Variants in TTBK2 observed in about 807,000 individuals in gnomAD.
TTBK2 encodes tau-tubulin kinase 2.
In TTBK2, 28 loss-of-function variants were observed where a neutral mutation model predicts 110.8. The ratio of observed to expected loss-of-function variants is 0.25; its 90% CI spans 0.19 to 0.35. The LOEUF (loss-of-function observed/expected upper bound fraction) is 0.35, where lower values mean the gene tolerates loss of function less well. Among genes scored for constraint, TTBK2 ranks in the 10% least tolerant of loss-of-function variants. The pLI is 1.00. For missense variants in TTBK2, 1,369 were observed against 1,500.3 expected (o/e 0.91, Z 1.45); for synonymous variants, 532 against 527.3 (o/e 1.01, Z -0.12).
intron 9 of TTBK2, among the ~76,000 whole-genome samples, chr15:42,809,224 A>G (rs1457473322): frequency 6.6e-6 from 1 of 152,272 alleles, no homozygotes; most frequent in Non-Finnish European, 1.5e-5. Flanking sequence ...AAACAAAGTA[A>G]TGTTATGCCT....
Position 42,745,897 on chromosome 15 carries a change from G to C in TTBK2, c.3633C>G (p.Pro1211=). The change falls in exon 15 of 15, where the codon CCC becomes CCG. Residue 1211 remains proline (P), a synonymous_variant. Transcript: ENST00000267890. ...CGGATCCTTTCAGGCCATTCTTGCT[G>C]GGTTTGCAATGCTCCTGTTGGCAGG... ...RRSCQQEHCK[P]SKNGLKGSGS... 6.2e-7 allele frequency: 1 copy of C among 1,614,122 alleles called. No individual in the cohort carries two copies. Among genetic ancestry groups the C allele is most frequent in the Non-Finnish European group, 8.5e-7 (1 of 1,180,032 alleles).
intron 13 of TTBK2, among the ~76,000 whole-genome samples, chr15:42,763,161 T>TATATATATATATATAC (rs1889138308): frequency 2.0e-4 from 2 of 10,126 alleles, no homozygotes; most frequent in Non-Finnish European, 3.6e-4. Context: ...TATATACATA[T>TATATATATATATATAC]ATATATATAT....
At chr15:42,782,508 C>T (rs898740907) in intron 11 of TTBK2, among the ~76,000 whole-genome samples, 7 of 152,182 alleles carry the variant, frequency 4.6e-5, no homozygotes, top group Non-Finnish European at 8.8e-5. Context: ...ATTATATTTG[C>T]TTGTGCAGCT....
chr15:42,816,093 T>TAA (rs2140944392), intron 7 of TTBK2, among the ~76,000 whole-genome samples: 1 of 110,564 alleles, frequency 9.0e-6, no homozygotes, highest in South Asian at 2.6e-4. Context: ...TAAATATATA[T>TAA]ATATATATAT....
chr15:42,845,409 T>C (rs1893408283), intron 3 of TTBK2, among the ~76,000 whole-genome samples: 1 of 151,892 alleles, frequency 6.6e-6, no homozygotes, highest in Non-Finnish European at 1.5e-5. Context: ...CTCACGCCTG[T>C]AATCCCTGCA....
In TTBK2 at chr15:42,742,684, G is replaced by T. The variant is rs1430277126; in HGVS notation, c.*3111C>A. 6.6e-6 allele frequency: 1 copy of T among 152,204 alleles called. No homozygotes were observed. Among genetic ancestry groups the T allele is most frequent in the Admixed American group, 6.5e-5 (1 of 15,276 alleles). The allele number at this position is 152,204 out of a possible 1,614,324, so 9.4% of individuals were successfully genotyped here. On this transcript the variant is annotated 3_prime_UTR_variant, in exon 15 of 15. Transcript: ENST00000267890. ...GGTAACCAGCTATTCTGTTGTGACA[G>T]AAGAAACCAGGTAATACTTGATTTT...
At position 42,745,310 on chromosome 15, in the gene TTBK2, C is replaced by T. The variant is rs78891022; in HGVS notation, c.*485G>A. On this transcript the variant is annotated 3_prime_UTR_variant, in exon 15 of 15. Coordinates refer to ENST00000267890, the MANE Select transcript of TTBK2 (RefSeq NM_173500.4). ...GAAATAAACACACAAGCCAAATATA[C>T]ATGAATACTGGCTCCCTGGCAACAG... 3.8e-3 allele frequency: 709 copies of T among 185,656 alleles called. 6 individuals carry two copies. The highest frequency in any genetic ancestry group is 0.016 in the African/African-American group (679 of 42,070). 11.5% of individuals were successfully genotyped at this position (185,656 alleles called of 1,614,324 possible).
chr15:42,775,331 C>A lies in TTBK2; in HGVS notation c.1802G>T (p.Gly601Val). 1 of 1,614,204 alleles carries A rather than the reference C, an allele frequency of 6.2e-7. No individual in the cohort carries two copies. The highest frequency in any genetic ancestry group is 8.5e-7 in the Non-Finnish European group (1 of 1,180,042). ...TAAATGATCATTTTCTGCCCAAGGA[C>A]CTAACTGGAGCTTTTCATCTTGAGG... ...ASPQDEKLQL[G>V]PWAENDHLKK... is the part of the protein sequence containing the mutation. Residue 601 changes from glycine to valine, a missense_variant, in exon 13 of 15, where the codon GGT becomes GTT. Around this residue, in one of 4 missense-constraint regions of TTBK2, gnomAD observed 1,097 missense variants for 1,114.7 expected, o/e 0.98. Transcript: ENST00000267890.
intron 1 of TTBK2, among the ~76,000 whole-genome samples, chr15:42,879,996 CAAAAAA>C (rs71108186): frequency 1.3e-5 from 1 of 74,464 alleles, no homozygotes; most frequent in Non-Finnish European, 2.8e-5. Context: ...GATCCTGTCT[CAAAAAA>C]AAAAAAAAAA....
intron 13 of TTBK2, among the ~76,000 whole-genome samples, chr15:42,769,349 T>C (rs1369040729): frequency 6.6e-6 from 1 of 152,208 alleles, no homozygotes; most frequent in Non-Finnish European, 1.5e-5. Flanking sequence ...GAGAACATTT[T>C]TGCAATCTAC....
intron 9 of TTBK2, among the ~76,000 whole-genome samples, chr15:42,807,928 T>C (rs965620857): frequency 6.6e-6 from 1 of 152,188 alleles, no homozygotes; most frequent in African/African-American, 2.4e-5. Context: ...TGATCCAAAG[T>C]AAAGACTTAA....
chr15:42,761,238 A>G (rs537493607), intron 13 of TTBK2, among the ~76,000 whole-genome samples: 3 of 152,366 alleles, frequency 2.0e-5, no homozygotes, highest in African/African-American at 7.2e-5. Context: ...ACTAGAAGAA[A>G]ACATAGGGTA....
At chr15:42,902,685 C>A (rs1473816054) in intron 1 of TTBK2, among the ~76,000 whole-genome samples, 1 of 151,926 alleles carries the variant, frequency 6.6e-6, no homozygotes. Context: ...AAAAACAGTG[C>A]GGCAGTTCCT....
intron 9 of TTBK2, chr15:42,798,142 C>T (rs1029071413): frequency 6.7e-6 from 3 of 445,320 alleles, no homozygotes; most frequent in African/African-American, 6.1e-5. Context: ...CCTCGGCCTC[C>T]CTAAGTGCTG....
Position 42,875,374 on chromosome 15 carries a change from C to T in TTBK2, c.70-2616G>A, listed in dbSNP as rs374785742. Among the ~76,000 whole-genome samples, 42 of 152,186 alleles carry T rather than the reference C, an allele frequency of 2.8e-4. No individual in the cohort carries two copies. In the South Asian group the frequency reaches 5.8e-3, roughly 21 times the overall value. ...GTCTGTGGAAGATTGTATTTTCCAA[C>T]GATAGGCACAACAATATCATCCATT... On this transcript the variant is annotated intron_variant, in intron 2 of 14. Coordinates refer to ENST00000267890, the MANE Select transcript of TTBK2 (RefSeq NM_173500.4).
At position 42,769,916 on chromosome 15, in the gene TTBK2, T is replaced by C. The variant is rs192299913; in HGVS notation, c.1998+5219A>G. 4.8e-3 allele frequency among the ~76,000 whole-genome samples: 732 copies of C among 152,244 alleles called. 5 individuals are homozygous for C. The highest frequency in any genetic ancestry group is 0.017 in the African/African-American group (703 of 41,546). ...GGCACATATACACCACGGAATACTA[T>C]GCAGCCATAAAAAGGATGAGTTCAT... On this transcript the variant is annotated intron_variant, in intron 13 of 14. Coordinates refer to ENST00000267890, the MANE Select transcript of TTBK2 (RefSeq NM_173500.4).
At chr15:42,867,278 A>C (rs2141101469) in intron 3 of TTBK2, among the ~76,000 whole-genome samples, 1 of 151,696 alleles carries the variant, frequency 6.6e-6, no homozygotes, top group South Asian at 2.1e-4. Flanking sequence ...AAAGAAAAGA[A>C]AGATCTAAAA....
At chr15:42,858,613 C>G (rs1894036457) in intron 3 of TTBK2, among the ~76,000 whole-genome samples, 1 of 152,148 alleles carries the variant, frequency 6.6e-6, no homozygotes, top group South Asian at 2.1e-4. Flanking sequence ...TCAACAAGTA[C>G]AAAGCCGAAC....
At chr15:42,807,628 G>C (rs1345770674) in intron 9 of TTBK2, among the ~76,000 whole-genome samples, 1 of 151,656 alleles carries the variant, frequency 6.6e-6, no homozygotes, top group Non-Finnish European at 1.5e-5. Flanking sequence ...GTAGAAACAG[G>C]GTGTTACTAT....
Sources: gnomAD v4.1 joint callset for allele counts (sites outside exome capture counted in the v4.1 genomes callset) on GRCh38, gnomAD v4.1.1 for gene constraint, gnomAD v4.1.1 regional missense constraint, MANE v1.5 for transcripts, NCBI Gene and HGNC (gene_info 2026-07-23, HGNC 2026-07-21) for gene names.